Variants in MED23 observed in about 807,000 individuals in gnomAD.
MED23 encodes mediator complex subunit 23.
A neutral mutation model predicts 163.9 loss-of-function variants in MED23; 105 were observed. The observed-to-expected ratio is 0.64, with a 90% CI of 0.55 to 0.75. The LOEUF (loss-of-function observed/expected upper bound fraction) is 0.75. MED23 is among the 30% of genes least tolerant of loss of function. The pLI, the probability that MED23 is intolerant of heterozygous loss-of-function variation, is 0.00. For missense variants in MED23, 1,054 were observed against 1,649.0 expected (o/e 0.64, Z 6.25); for synonymous variants, 561 against 565.6 (o/e 0.99, Z 0.12).
At chr6:131,576,572 G>T in intron 30 of MED23, 6 of 1,256,848 alleles carry the variant, frequency 4.8e-6, no homozygotes, top group Non-Finnish European at 7.0e-6. Flanking sequence ...GATAGTTACA[G>T]TTCAACTGAT....
chr6:131,599,420 T>C (rs1775303736), intron 18 of MED23, among the ~76,000 whole-genome samples: 1 of 152,170 alleles, frequency 6.6e-6, no homozygotes, highest in Non-Finnish European at 1.5e-5. Context: ...GGTTTACAGT[T>C]TTTCTGTGAT....
Position 131,610,029 on chromosome 6 carries a change from TAA to T in MED23, c.1077+15_1077+16del. On this transcript the variant is annotated intron_variant, in intron 11 of 28. Transcript: ENST00000368068. ...TCAACAGGTGAAGTCACTCCGACCATAAGATTTAGTACATACCTTCTGATGAA... is the reference window on the plus strand; with the variant it reads ...TCAACAGGTGAAGTCACTCCGACCATGATTTAGTACATACCTTCTGATGAA... 6.2e-7 allele frequency: 1 copy of T among 1,609,744 alleles called. No individual in the cohort carries two copies. Among genetic ancestry groups the T allele is most frequent in the Non-Finnish European group, 8.5e-7 (1 of 1,176,094 alleles).
chr6:131,598,979 T>C lies in MED23; in HGVS notation c.2221-218A>G, dbSNP rs1455405388. Among the ~76,000 whole-genome samples the C allele has an allele frequency of 6.6e-6, 1 of 152,220 alleles. No homozygotes were observed. The highest frequency in any genetic ancestry group is 1.5e-5 in the Non-Finnish European group (1 of 68,046). On this transcript the variant is annotated intron_variant, in intron 18 of 28. Coordinates refer to ENST00000368068, the MANE Select transcript of MED23 (RefSeq NM_004830.4). This position sits in a 1 kb window ranked among gnomAD's most constrained non-coding sequence, Gnocchi z 4.7. Reference sequence around the variant, plus strand: ...TTTTCCTAGATTTCCTAAATGGAAATTCTAAGTAAGCCTGAATTCAAAGCT... The same window carrying C: ...TTTTCCTAGATTTCCTAAATGGAAACTCTAAGTAAGCCTGAATTCAAAGCT...
downstream of MED23, chr6:131,583,476 G>A (rs747579073): frequency 9.3e-6 from 15 of 1,614,092 alleles, no homozygotes; most frequent in African/African-American, 1.3e-5. Flanking sequence ...CATCACAGAA[G>A]AAATCTACAA....
At chr6:131,583,090 C>CTT (rs1337890012), downstream of MED23, 5 of 1,613,544 alleles carry the variant, frequency 3.1e-6, no homozygotes, top group Non-Finnish European at 4.2e-6. Flanking sequence ...GCATTAAATA[C>CTT]TTTTCAATGA....
rs990232337 is a variant in MED23, at chr6:131,598,027, G to T, written c.2607+260C>A. ...GGAGGAGATTGCTTGAGACCAGGAGGTTGAGGCTGCAGTGAGCCATGATCA... is the reference window on the plus strand; with the variant it reads ...GGAGGAGATTGCTTGAGACCAGGAGTTTGAGGCTGCAGTGAGCCATGATCA... On this transcript the variant is annotated intron_variant, in intron 20 of 28. Transcript: ENST00000368068. This position sits in a 1 kb window ranked among gnomAD's most constrained non-coding sequence, Gnocchi z 4.7. Among the ~76,000 whole-genome samples, 8 of 152,124 alleles carry T rather than the reference G, an allele frequency of 5.3e-5. No individual in the cohort carries two copies. Among genetic ancestry groups the T allele is most frequent in the African/African-American group, 1.9e-4 (8 of 41,414 alleles).
At chr6:131,611,958 T>C (rs866573194) in intron 10 of MED23, among the ~76,000 whole-genome samples, 4 of 152,140 alleles carry the variant, frequency 2.6e-5, no homozygotes, top group African/African-American at 4.8e-5. Flanking sequence ...TTTAGGCATG[T>C]AGTGATTATC....
At chr6:131,590,929 A>G (rs1774570737) in intron 26 of MED23, among the ~76,000 whole-genome samples, 1 of 146,248 alleles carries the variant, frequency 6.8e-6, no homozygotes, top group Non-Finnish European at 1.5e-5. Flanking sequence ...AAGTTGTTCT[A>G]ATGAATGAAG....
intron 11 of MED23, among the ~76,000 whole-genome samples, chr6:131,609,251 C>A (rs996753044): frequency 3.3e-5 from 5 of 152,190 alleles, no homozygotes; most frequent in Non-Finnish European, 5.9e-5. Flanking sequence ...AATCTAAACT[C>A]CTTAGAACAG....
chr6:131,601,181 T>C (rs1301018438), intron 17 of MED23, among the ~76,000 whole-genome samples: 1 of 152,156 alleles, frequency 6.6e-6, no homozygotes, highest in African/African-American at 2.4e-5. Flanking sequence ...TGATAGTAAC[T>C]TTTTCCAATG....
At position 131,586,977 on chromosome 6, in the gene MED23, G is replaced by T; in HGVS notation, c.*702C>A. The T allele has an allele frequency of 2.7e-6, 4 of 1,491,902 alleles. No homozygotes were observed. Among genetic ancestry groups the T allele is most frequent in the South Asian group, 2.8e-5 (2 of 72,076 alleles). The allele number at this position is 1,491,902 out of a possible 1,614,324, so 92.4% of individuals were successfully genotyped here. A position where few individuals can be genotyped will look rare whatever the true frequency, so the allele number is the denominator to read the frequency against. On this transcript the variant is annotated 3_prime_UTR_variant, in exon 29 of 29. Transcript: ENST00000368068. ...AACTTATTTTTAAAAAAAGAAATTGGAGAATCAACCATTTAAGCATGATTT... is the reference window on the plus strand; with the variant it reads ...AACTTATTTTTAAAAAAAGAAATTGTAGAATCAACCATTTAAGCATGATTT...
chr6:131,591,230 G>C (rs903450196), intron 26 of MED23, 83 bp downstream of exon 26: 3 of 1,040,198 alleles, frequency 2.9e-6, no homozygotes, highest in Non-Finnish European at 4.4e-6. Flanking sequence ...TGCCCACCTC[G>C]GCCTCCCAAA....
At chr6:131,580,003 C>T (rs1472529039) in intron 30 of MED23, among the ~76,000 whole-genome samples, 1 of 152,152 alleles carries the variant, frequency 6.6e-6, no homozygotes, top group East Asian at 1.9e-4. Flanking sequence ...GGTTACATCG[C>T]TATATACGTA....
At position 131,607,984 on chromosome 6, in the gene MED23, G is replaced by C; in HGVS notation, c.1165C>G (p.Leu389Val). 6.2e-7 allele frequency: 1 copy of C among 1,613,874 alleles called. No homozygotes were observed. Among genetic ancestry groups the C allele is most frequent in the Non-Finnish European group, 8.5e-7 (1 of 1,179,890 alleles). The change falls in exon 12 of 29, where the codon CTA becomes GTA. Residue 389 changes from leucine (L) to valine (V), a missense_variant. Coordinates refer to ENST00000368068, the MANE Select transcript of MED23 (RefSeq NM_004830.4). ...TTCATCACAGGGAGAAAATCAGCTA[G>C]TGCATTTTTCTGAATACTTCCAGAA... ...FISGSIQKNA[L>V]ADFLPVMKLF...
chr6:131,627,676 T>TTA lies in MED23; in HGVS notation c.40-5_40-4insTA. 6.9e-7 allele frequency: 1 copy of TTA among 1,458,978 alleles called. No individual in the cohort carries two copies. Among genetic ancestry groups the TTA allele is most frequent in the East Asian group, 2.3e-5 (1 of 43,050 alleles). 90.4% of individuals were successfully genotyped at this position (1,458,978 alleles called of 1,614,324 possible). On this transcript the variant is annotated splice_region_variant and splice_polypyrimidine_tract_variant and intron_variant, in intron 1 of 28. Transcript: ENST00000368068. ...CCTCTTCTATAACTTCCGTTTTCTG[T>TTA]AAAAAAAAAAAAAACAAAATGTAAA...
At chr6:131,581,306 T>G (rs747883555) in intron 30 of MED23, 1 of 1,613,910 alleles carries the variant, frequency 6.2e-7, no homozygotes, top group South Asian at 1.1e-5. Context: ...ATATCAACAC[T>G]CCACTGACAA....
chr6:131,579,229 G>A, intron 30 of MED23: 1 of 1,614,128 alleles, frequency 6.2e-7, no homozygotes, highest in Non-Finnish European at 8.5e-7. Context: ...TGGCTGGCAA[G>A]GTGGCAGAAG....
At chr6:131,578,659 A>C (rs1284071336) in intron 30 of MED23, among the ~76,000 whole-genome samples, 1 of 152,178 alleles carries the variant, frequency 6.6e-6, no homozygotes, top group Non-Finnish European at 1.5e-5. Flanking sequence ...AGATGAAAAT[A>C]CACCAGTGCT....
At chr6:131,590,275 T>C in intron 27 of MED23, 47 bp downstream of exon 27, 3 of 1,551,710 alleles carry the variant, frequency 1.9e-6, no homozygotes, top group Non-Finnish European at 2.7e-6. Flanking sequence ...CTTAAATAGA[T>C]ACTTCAGAAT....
Sources: allele counts gnomAD v4.1 joint callset (sites outside exome capture counted in the v4.1 genomes callset), GRCh38; gene constraint gnomAD v4.1.1; non-coding constraint Gnocchi (gnomAD v3.1); transcripts MANE v1.5; gene names NCBI Gene and HGNC (gene_info 2026-07-23, HGNC 2026-07-21).